XIRP2: variants seen among roughly 807,000 people sequenced by gnomAD.
XIRP2 encodes xin actin binding repeat containing 2.
In XIRP2, 236 loss-of-function variants were observed where a neutral mutation model predicts 277.0. That is an observed-to-expected ratio of 0.85 (90% CI 0.77 to 0.95). XIRP2 has a LOEUF of 0.95. Among genes scored for constraint, XIRP2 ranks in the 40% least tolerant of loss-of-function variants. The probability of loss-of-function intolerance (pLI) is 0.00; values close to 1 mark genes in which losing one functional copy is unlikely to be tolerated. For missense variants in XIRP2, 4,640 were observed against 4,157.5 expected (o/e 1.12, Z -3.19); for synonymous variants, 1,490 against 1,416.5 (o/e 1.05, Z -1.17).
At chr2:166,922,655 AT>A (rs747386592) in intron 2 of XIRP2, among the ~76,000 whole-genome samples, 3 of 151,972 alleles carry the variant, frequency 2.0e-5, no homozygotes, top group Non-Finnish European at 4.4e-5. Context: ...ACACATACAT[AT>A]ATACACACAA....
At chr2:167,061,796 A>G (rs752065708) in intron 2 of XIRP2, among the ~76,000 whole-genome samples, 66 of 152,084 alleles carry the variant, frequency 4.3e-4, no homozygotes, top group Non-Finnish European at 4.9e-4. Context: ...ACCGAAAGCT[A>G]GGAAAAGGCA....
intron 3 of XIRP2, among the ~76,000 whole-genome samples, chr2:167,206,003 C>G (rs998297437): frequency 6.6e-6 from 1 of 152,178 alleles, no homozygotes; most frequent in African/African-American, 2.4e-5. Context: ...GTTCACAATA[C>G]TAAAATTTCA....
At chr2:167,218,559 T>C (rs1694327030) in intron 5 of XIRP2, among the ~76,000 whole-genome samples, 1 of 152,196 alleles carries the variant, frequency 6.6e-6, no homozygotes, top group Non-Finnish European at 1.5e-5. Flanking sequence ...CAGACATAAA[T>C]GAAAATTAAA....
intron 3 of XIRP2, among the ~76,000 whole-genome samples, chr2:167,170,893 TC>T (rs376734860): frequency 2.0e-4 from 29 of 144,440 alleles, no homozygotes; most frequent in African/African-American, 7.1e-4. Flanking sequence ...TTGCCTTTCT[TC>T]TTTTTTTTTT....
intron 2 of XIRP2, among the ~76,000 whole-genome samples, chr2:166,943,651 CACTG>C (rs1685780225): frequency 6.6e-6 from 1 of 152,360 alleles, no homozygotes; most frequent in East Asian, 1.9e-4. Flanking sequence ...TCTCATGTCA[CACTG>C]ACTGGCCAGT....
chr2:167,127,127 AT>A (rs1691229421), intron 2 of XIRP2, among the ~76,000 whole-genome samples: 1 of 151,860 alleles, frequency 6.6e-6, no homozygotes, highest in South Asian at 2.1e-4. Context: ...TTTTTATTGC[AT>A]TTTTTTCTTA....
At chr2:167,160,400 A>T (rs1338082078) in intron 3 of XIRP2, among the ~76,000 whole-genome samples, 3 of 152,210 alleles carry the variant, frequency 2.0e-5, no homozygotes, top group Non-Finnish European at 4.4e-5. Context: ...CCAGTTTATT[A>T]GTCTGCTTTC....
intron 2 of XIRP2, among the ~76,000 whole-genome samples, chr2:167,025,657 T>C (rs1688130914): frequency 6.6e-6 from 1 of 152,108 alleles, no homozygotes; most frequent in Non-Finnish European, 1.5e-5. Flanking sequence ...ATGTTGTGTC[T>C]TTGTTCTCAT....
At chr2:166,938,398 A>G (rs1352317690) in intron 2 of XIRP2, among the ~76,000 whole-genome samples, 1 of 152,076 alleles carries the variant, frequency 6.6e-6, no homozygotes, top group African/African-American at 2.4e-5. Flanking sequence ...CATGTAGCTG[A>G]GTGGTTTTGA....
At chr2:167,037,448 A>G (rs1688538161) in intron 2 of XIRP2, among the ~76,000 whole-genome samples, 1 of 151,498 alleles carries the variant, frequency 6.6e-6, no homozygotes, top group South Asian at 2.1e-4. Flanking sequence ...AATGGCACCA[A>G]GCCTATCTCT....
rs550216624 is a variant in XIRP2 at position 167,194,855 on chromosome 2, A to G, written c.563-15880A>G. Among the ~76,000 whole-genome samples, 39 of 152,296 alleles carry G rather than the reference A, an allele frequency of 2.6e-4. No homozygotes were observed. The South Asian group carries it at 7.0e-3, about 28-fold the overall frequency. On this transcript the variant is annotated intron_variant, in intron 3 of 10. Transcript: ENST00000409195. ...ATGAATTTATCTTTATAAAGTTCTA[A>G]AGCATCAGTCCCTGGCACATAGTAA...
intron 2 of XIRP2, among the ~76,000 whole-genome samples, chr2:167,097,690 C>G (rs1240784255): frequency 1.3e-5 from 2 of 152,124 alleles, no homozygotes; most frequent in African/African-American, 4.8e-5. Flanking sequence ...ATGGTTGGTA[C>G]CAGTTTTTCC....
At chr2:167,056,446 G>A (rs1166475930) in intron 2 of XIRP2, among the ~76,000 whole-genome samples, 3 of 152,068 alleles carry the variant, frequency 2.0e-5, no homozygotes, top group Non-Finnish European at 2.9e-5. Flanking sequence ...TTGATTGCAC[G>A]AGATGTAAAG....
intron 2 of XIRP2, among the ~76,000 whole-genome samples, chr2:167,009,218 C>G (rs996805636): frequency 6.3e-5 from 7 of 111,522 alleles, no homozygotes; most frequent in African/African-American, 1.0e-4. Flanking sequence ...CCCCCCTCCC[C>G]CCACCCCACA....
At chr2:167,211,967 C>G (rs1694058509) in intron 4 of XIRP2, among the ~76,000 whole-genome samples, 1 of 151,790 alleles carries the variant, frequency 6.6e-6, no homozygotes, top group Non-Finnish European at 1.5e-5. Flanking sequence ...GAGAGGGAGA[C>G]AGAGAAAGAG....
intron 2 of XIRP2, among the ~76,000 whole-genome samples, chr2:166,924,343 G>A (rs777380378): frequency 4.6e-5 from 7 of 151,986 alleles, no homozygotes; most frequent in South Asian, 4.1e-4. Flanking sequence ...AGAATTGTTA[G>A]CACTCTGTGA....
intron 5 of XIRP2, among the ~76,000 whole-genome samples, chr2:167,224,032 GTCA>G (rs1164280034): frequency 6.6e-6 from 1 of 152,104 alleles, no homozygotes; most frequent in East Asian, 1.9e-4. Context: ...ACAGTCCAAT[GTCA>G]AGGTGCTGGC....
At chr2:167,112,642 G>C (rs113618489) in intron 2 of XIRP2, among the ~76,000 whole-genome samples, 2 of 144,712 alleles carry the variant, frequency 1.4e-5, no homozygotes, top group Non-Finnish European at 3.0e-5. Context: ...TATATATATA[G>C]AGAGAGATTT....
chr2:167,173,925 A>G (rs1280099049), intron 3 of XIRP2, among the ~76,000 whole-genome samples: 3 of 152,004 alleles, frequency 2.0e-5, no homozygotes, highest in Non-Finnish European at 4.4e-5. Context: ...GGCTGTGTCA[A>G]CCATATGTTG....
Sources: gnomAD v4.1 joint callset for allele counts (sites outside exome capture counted in the v4.1 genomes callset) on GRCh38, gnomAD v4.1.1 for gene constraint, MANE v1.5 for transcripts, NCBI Gene and HGNC (gene_info 2026-07-23, HGNC 2026-07-21) for gene names.